Variants in SLC5A1 observed in about 807,000 individuals in gnomAD.
SLC5A1 encodes solute carrier family 5 member 1.
In SLC5A1, 42 loss-of-function variants were observed where a neutral mutation model predicts 73.5. The ratio of observed to expected loss-of-function variants is 0.57; its 90% CI spans 0.45 to 0.74. The LOEUF (loss-of-function observed/expected upper bound fraction) is 0.74. SLC5A1 is among the 30% of genes least tolerant of loss of function. The pLI is 0.00. For missense variants in SLC5A1, 634 were observed against 855.4 expected, an observed-to-expected ratio of 0.74 and a Z score of 3.23; for synonymous variants, 300 against 317.4, an observed-to-expected ratio of 0.95 and a Z score of 0.58.
chr22:32,103,387 A>T (rs187232131), intron 13 of SLC5A1, among the ~76,000 whole-genome samples: 1 of 152,242 alleles, frequency 6.6e-6, no homozygotes, highest in Non-Finnish European at 1.5e-5. Context: ...TCACATTCAC[A>T]TGACTTGCCA....
intron 5 of SLC5A1, among the ~76,000 whole-genome samples, chr22:32,069,353 A>G (rs369398520): frequency 8.5e-5 from 13 of 152,156 alleles, no homozygotes; most frequent in East Asian, 5.8e-4. Context: ...GATCTATTGT[A>G]CAACATGGTG....
At chr22:32,054,001 CGTCTCTACTAAAAATACCA>C (rs2093948369) in intron 2 of SLC5A1, among the ~76,000 whole-genome samples, 1 of 151,974 alleles carries the variant, frequency 6.6e-6, no homozygotes, top group African/African-American at 2.4e-5. Flanking sequence ...GATGAAACCC[CGTCTCTACTAAAAATACCA>C]AAATTAGCTG....
Position 32,104,910 on chromosome 22 carries a change from C to T in SLC5A1, c.1771+19C>T. 1.9e-6 allele frequency: 3 copies of T among 1,543,044 alleles called. No homozygotes were observed. The highest frequency in any genetic ancestry group is 2.7e-6 in the Non-Finnish European group (3 of 1,115,326). On this transcript the variant is annotated intron_variant, in intron 14 of 14. Coordinates refer to ENST00000266088, the MANE Select transcript of SLC5A1 (RefSeq NM_000343.4). ...GAAATAGGTGACTTATGACCCAGAGCAGATCCTAAACCATAAAAGTTACTC... is the reference window on the plus strand; with the variant it reads ...GAAATAGGTGACTTATGACCCAGAGTAGATCCTAAACCATAAAAGTTACTC...
intron 11 of SLC5A1, among the ~76,000 whole-genome samples, chr22:32,093,057 G>A (rs983211501): frequency 2.0e-5 from 3 of 152,158 alleles, no homozygotes; most frequent in Non-Finnish European, 2.9e-5. Context: ...GTTGAATAGG[G>A]TGTCCTTTCC....
rs1421552101 is a variant in SLC5A1 at position 32,084,438 on chromosome 22, G to C, written c.665-1G>C. The C allele has an allele frequency of 6.2e-7, 1 of 1,613,694 alleles. No individual in the cohort carries two copies. Among genetic ancestry groups the C allele is most frequent in the African/African-American group, 1.3e-5 (1 of 74,938 alleles). ...TTCATTTCTGTACCGATGTTTTCCA[G>C]CTTTTCACGAAGTGGGAGGCTATGA... On this transcript the variant is annotated splice_acceptor_variant, in intron 7 of 14. Coordinates refer to ENST00000266088, the MANE Select transcript of SLC5A1 (RefSeq NM_000343.4). LOFTEE classifies it high-confidence loss of function.
chr22:32,055,368 AG>A (rs1241687398), intron 2 of SLC5A1, among the ~76,000 whole-genome samples: 1 of 152,232 alleles, frequency 6.6e-6, no homozygotes, highest in East Asian at 1.9e-4. Flanking sequence ...GTCCCAATCC[AG>A]GAAGTGTGAT....
At chr22:32,104,636 T>C in intron 13 of SLC5A1, 150 bp from the exon 14 acceptor site, 2 of 697,230 alleles carry the variant, frequency 2.9e-6, no homozygotes, top group South Asian at 3.1e-5. Flanking sequence ...AGAGATAATG[T>C]TATGGATGAG....
chr22:32,105,023 G>C (rs2094043022), intron 14 of SLC5A1, 132 bp downstream of exon 14: 1 of 728,506 alleles, frequency 1.4e-6, no homozygotes, highest in African/African-American at 1.7e-5. Flanking sequence ...GAGGAGTAGG[G>C]TGGGGATGAG....
intron 4 of SLC5A1, 69 bp downstream of exon 4, chr22:32,068,095 G>T: frequency 8.3e-6 from 12 of 1,454,068 alleles, no homozygotes; most frequent in Non-Finnish European, 1.1e-5. Flanking sequence ...TTCCTAGAGG[G>T]CAGAGGAGAC....
At chr22:32,093,196 G>T (rs925490466) in intron 11 of SLC5A1, among the ~76,000 whole-genome samples, 3 of 152,042 alleles carry the variant, frequency 2.0e-5, no homozygotes, top group African/African-American at 7.3e-5. Context: ...TGCTGTTTTG[G>T]TGGCTCTGGC....
At chr22:32,067,071 G>A (rs202205749) in intron 3 of SLC5A1, 32 bp downstream of exon 3, 16 of 1,497,250 alleles carry the variant, frequency 1.1e-5, no homozygotes, top group Non-Finnish European at 1.4e-5. Flanking sequence ...GTGCACTGGG[G>A]CTGGAAGGAG....
intron 1 of SLC5A1, among the ~76,000 whole-genome samples, chr22:32,046,086 C>T (rs139269692): frequency 1.3e-5 from 2 of 152,122 alleles, no homozygotes; most frequent in Non-Finnish European, 2.9e-5. Flanking sequence ...TCATTTGAAC[C>T]GACAGCATCA....
intron 11 of SLC5A1, among the ~76,000 whole-genome samples, chr22:32,093,902 G>A (rs1173985082): frequency 6.6e-6 from 1 of 151,998 alleles, no homozygotes; most frequent in Non-Finnish European, 1.5e-5. Flanking sequence ...GGTGAGAGTG[G>A]GCATCCTTGT....
intron 11 of SLC5A1, among the ~76,000 whole-genome samples, chr22:32,093,211 T>G (rs1454448540): frequency 6.6e-6 from 1 of 152,218 alleles, no homozygotes; most frequent in Non-Finnish European, 1.5e-5. Context: ...TCTGGCCTTA[T>G]AGTATAGTTT....
In SLC5A1 at chr22:32,112,948, A is replaced by G. The variant is rs1350041442; in HGVS notation, c.*2735A>G. The G allele has an allele frequency of 6.6e-6, 1 of 152,256 alleles. No homozygotes were observed. Among genetic ancestry groups the G allele is most frequent in the Non-Finnish European group, 1.5e-5 (1 of 68,044 alleles). 9.4% of individuals were successfully genotyped at this position (152,256 alleles called of 1,614,324 possible). A position where few individuals can be genotyped will look rare whatever the true frequency, so the allele number is the denominator to read the frequency against. On this transcript the variant is annotated 3_prime_UTR_variant, in exon 15 of 15. Transcript: ENST00000266088. ...AATTTAGTCATTTCACAATATGTAC[A>G]TATATAAAAATATGTTGTATGCCAT...
intron 2 of SLC5A1, among the ~76,000 whole-genome samples, chr22:32,050,798 A>C (rs1381309206): frequency 6.6e-6 from 1 of 152,228 alleles, no homozygotes; most frequent in African/African-American, 2.4e-5. Flanking sequence ...TTACATAGGG[A>C]TCTGGGCTGG....
chr22:32,087,755 G>C (rs980994656), intron 10 of SLC5A1, among the ~76,000 whole-genome samples: 6 of 152,126 alleles, frequency 3.9e-5, no homozygotes, highest in African/African-American at 1.2e-4. Context: ...AAACTTCAAA[G>C]TTATTACCTA....
intron 5 of SLC5A1, 125 bp downstream of exon 5, chr22:32,068,725 C>A: frequency 1.4e-6 from 1 of 717,312 alleles, no homozygotes; most frequent in East Asian, 2.7e-5. Context: ...AGCCTTCTTG[C>A]GCCTTGGAGT....
intron 11 of SLC5A1, among the ~76,000 whole-genome samples, chr22:32,097,420 A>T (rs1272093326): frequency 6.6e-6 from 1 of 152,226 alleles, no homozygotes; most frequent in African/African-American, 2.4e-5. Context: ...AGGTCAATTT[A>T]AGTTGCAAGT....
Sources: gnomAD v4.1 joint callset for allele counts (sites outside exome capture counted in the v4.1 genomes callset) on GRCh38, gnomAD v4.1.1 for gene constraint, MANE v1.5 for transcripts, NCBI Gene and HGNC (gene_info 2026-07-23, HGNC 2026-07-21) for gene names.